DLG5: variants seen among roughly 807,000 people sequenced by gnomAD.
The protein encoded by DLG5 is discs large MAGUK scaffold protein 5.
Under a neutral mutation model 189.8 loss-of-function variants are expected in DLG5, and 48 were observed. The observed-to-expected ratio is 0.25, with a 90% confidence interval of 0.20 to 0.32. The LOEUF (loss-of-function observed/expected upper bound fraction) is 0.32, where lower values mean the gene tolerates loss of function less well. Among genes scored for constraint, DLG5 ranks in the 10% least tolerant of loss-of-function variants. The probability of loss-of-function intolerance (pLI) is 1.00; values close to 1 mark genes in which losing one functional copy is unlikely to be tolerated. For missense variants in DLG5, 2,160 were observed against 2,544.7 expected, an observed-to-expected ratio of 0.85 and a Z score of 3.25; for synonymous variants, 1,016 against 1,054.1, an observed-to-expected ratio of 0.96 and a Z score of 0.70.
intron 1 of DLG5, among the ~76,000 whole-genome samples, chr10:77,900,156 A>T (rs1845881462): frequency 6.6e-6 from 1 of 152,166 alleles, no homozygotes; most frequent in South Asian, 2.1e-4. Flanking sequence ...GCTCCAAGAC[A>T]CTAGGCAACT....
chr10:77,822,131 G>A (rs1427895667), intron 14 of DLG5, 30 bp from the exon 15 acceptor site: 2 of 1,585,976 alleles, frequency 1.3e-6, no homozygotes, highest in South Asian at 1.2e-5. Flanking sequence ...GAGTGAGAGA[G>A]AGAGTGAGAT....
intron 1 of DLG5, among the ~76,000 whole-genome samples, chr10:77,915,873 C>A (rs1489933369): frequency 6.6e-6 from 1 of 152,112 alleles, no homozygotes; most frequent in Non-Finnish European, 1.5e-5. Context: ...ACTGAAAACA[C>A]AAAGAAAATG....
At chr10:77,806,176 C>T in intron 26 of DLG5, 1 of 361,064 alleles carries the variant, frequency 2.8e-6, no homozygotes. Flanking sequence ...CGCTTCCTGC[C>T]ATAGAAGGGA....
At chr10:77,818,008 C>G in intron 17 of DLG5, 119 bp from the exon 18 acceptor site, 5 of 789,192 alleles carry the variant, frequency 6.3e-6, no homozygotes, top group Non-Finnish European at 8.1e-6. Flanking sequence ...GGCCCAGGAG[C>G]CACTGATTAT....
rs1840680366 is a variant in DLG5, at chr10:77,792,372, C to T, written c.*68G>A. ...ACGGACAGACTTCTACTTTCAGTCGCTAGAAAAGAGCTGAGTCTGGTGTCC... is the reference window on the plus strand; with the variant it reads ...ACGGACAGACTTCTACTTTCAGTCGTTAGAAAAGAGCTGAGTCTGGTGTCC... On this transcript the variant is annotated 3_prime_UTR_variant, in exon 32 of 32. Coordinates refer to ENST00000372391, the MANE Select transcript of DLG5 (RefSeq NM_004747.4). 7.6e-6 allele frequency: 11 copies of T among 1,444,322 alleles called. No individual in the cohort carries two copies. The South Asian group carries it at 1.1e-4, about 15-fold the overall frequency. 89.5% of individuals were successfully genotyped at this position (1,444,322 alleles called of 1,614,324 possible).
intron 1 of DLG5, among the ~76,000 whole-genome samples, chr10:77,918,031 A>G (rs935019301): frequency 6.9e-6 from 1 of 143,946 alleles, no homozygotes; most frequent in Non-Finnish European, 1.5e-5. Context: ...AAAAAAAAAC[A>G]AAAAACAAAA....
chr10:77,841,733 G>T, intron 7 of DLG5, 148 bp downstream of exon 7: 1 of 872,314 alleles, frequency 1.1e-6, no homozygotes, highest in South Asian at 1.8e-5. Context: ...GGCAGTGTCT[G>T]ATAACCCAGC....
chr10:77,876,302 G>T (rs538671370), intron 1 of DLG5, among the ~76,000 whole-genome samples: 3 of 152,094 alleles, frequency 2.0e-5, no homozygotes, highest in African/African-American at 7.2e-5. Context: ...ACTTTGGGAG[G>T]CTGAAGCAGG....
intron 27 of DLG5, among the ~76,000 whole-genome samples, chr10:77,802,592 T>C (rs937768832): frequency 2.6e-5 from 4 of 152,180 alleles, no homozygotes; most frequent in Non-Finnish European, 5.9e-5. Context: ...AGAATTAAAA[T>C]GAGAAAAGTA....
At chr10:77,865,044 C>T (rs960380464) in intron 2 of DLG5, among the ~76,000 whole-genome samples, 2 of 152,216 alleles carry the variant, frequency 1.3e-5, no homozygotes, top group East Asian at 3.9e-4. Context: ...GTCCAAGGGC[C>T]ACTTCCTCCA....
chr10:77,803,294 G>T (rs1278511284), intron 27 of DLG5, among the ~76,000 whole-genome samples: 1 of 152,190 alleles, frequency 6.6e-6, no homozygotes, highest in African/African-American at 2.4e-5. Flanking sequence ...TGCCACAGGG[G>T]TGTTCAGATT....
At chr10:77,804,157 G>A (rs1841356595) in intron 27 of DLG5, among the ~76,000 whole-genome samples, 1 of 152,216 alleles carries the variant, frequency 6.6e-6, no homozygotes, top group African/African-American at 2.4e-5. Flanking sequence ...TTCCCAAAGT[G>A]CTGGGATTAC....
chr10:77,806,718 A>AGGGGCCCCCCC, intron 26 of DLG5, 40 bp downstream of exon 26: 2 of 1,333,654 alleles, frequency 1.5e-6, no homozygotes, highest in Non-Finnish European at 2.1e-6. Flanking sequence ...GCCCTCGGCG[A>AGGGGCCCCCCC]CCCCTGCCCC....
At chr10:77,921,368 A>G (rs1038264345) in intron 1 of DLG5, among the ~76,000 whole-genome samples, 1 of 152,228 alleles carries the variant, frequency 6.6e-6, no homozygotes, top group Non-Finnish European at 1.5e-5. Context: ...TGAATAATAA[A>G]TAACCCACAC....
intron 1 of DLG5, among the ~76,000 whole-genome samples, chr10:77,883,675 A>ATGAAGTAACAT (rs1845349839): frequency 6.7e-6 from 1 of 149,988 alleles, no homozygotes; most frequent in South Asian, 2.1e-4. Flanking sequence ...AACAGTGACT[A>ATGAAGTAACAT]TGAAGTAACA....
rs762972643 is a variant in DLG5, at chr10:77,806,783, G to A, written c.4942C>T (p.Arg1648Cys). 24 of 1,503,188 alleles carry A rather than the reference G, an allele frequency of 1.6e-5. No homozygotes were observed. Among genetic ancestry groups the A allele is most frequent in the Non-Finnish European group, 1.8e-5 (20 of 1,105,066 alleles). The allele number at this position is 1,503,188 out of a possible 1,614,324, so 93.1% of individuals were successfully genotyped here. A position where few individuals can be genotyped will look rare whatever the true frequency, so the allele number is the denominator to read the frequency against. Residue 1648 changes from arginine to cysteine, a missense_variant, in exon 26 of 32, where the codon CGC becomes TGC. By Grantham distance (180) the Arg-to-Cys change is radical. Transcript: ENST00000372391. The stretch of plus-strand genomic sequence containing the variant: ...ACATATTTGCTGGGAATCTGCCCGC[G>A]CTGGATCTTCTGGGCATTCTCGTCC... Reference protein sequence around the residue: ...QLDENAQKIQRGQIPSKYVMD... With the variant: ...QLDENAQKIQCGQIPSKYVMD...
rs111767303 is a variant in DLG5, at chr10:77,856,806, G to C, written c.460C>G (p.Arg154Gly). ...TCGTTTCTCTCCCGGGTCATCAGCC[G>C]CAGCTGAATGGAGAGGTTCTCCACC... ...EKVENLSIQL[R>G]LMTRERNELR... The change falls in exon 3 of 32, where the codon CGG (arginine) becomes GGG (glycine). Residue 154 changes from arginine (R) to glycine (G), a missense_variant. Coordinates refer to ENST00000372391, the MANE Select transcript of DLG5 (RefSeq NM_004747.4). The C allele has an allele frequency of 2.3e-5, 37 of 1,613,320 alleles. No homozygotes were observed. The highest frequency in any genetic ancestry group is 1.8e-4 in the Middle Eastern group (1 of 5,570).
chr10:77,846,230 C>T (rs1419252366), intron 5 of DLG5, among the ~76,000 whole-genome samples: 18 of 151,890 alleles, frequency 1.2e-4, no homozygotes, highest in Admixed American at 2.6e-4. Context: ...GGGTGACAAG[C>T]GCGAGACTTC....
rs770102652 is a variant in DLG5, at chr10:77,926,422, C to G, written c.99G>C (p.Ala33=). Residue 33 remains alanine (A), a synonymous_variant, in exon 1 of 32, where the codon GCG becomes GCC. Transcript: ENST00000372391. The surrounding 1 kb of genome is among the most constrained non-coding windows in gnomAD (Gnocchi z 5.2). ...VEAVLGLLEA[A]GALSPGERRQ... ...GCCGCTCGCCGGGACTGAGCGCTCC[C>G]GCGGCCTCGAGCAGCCCGAGCACGG... is the stretch of plus-strand genomic sequence containing the variant. 1.3e-6 allele frequency: 2 copies of G among 1,577,614 alleles called. No individual in the cohort carries two copies. The highest frequency in any genetic ancestry group is 2.4e-5 in the South Asian group (2 of 84,936).
Sources: gnomAD v4.1 joint callset for allele counts (sites outside exome capture counted in the v4.1 genomes callset) on GRCh38, gnomAD v4.1.1 for gene constraint, Gnocchi (gnomAD v3.1) non-coding constraint, MANE v1.5 for transcripts, NCBI Gene and HGNC (gene_info 2026-07-23, HGNC 2026-07-21) for gene names.